Variants in RUNX2 observed in about 807,000 individuals in gnomAD.
The protein encoded by RUNX2 is RUNX family transcription factor 2.
A neutral mutation model predicts 51.7 loss-of-function variants in RUNX2; 10 were observed. The observed-to-expected ratio is 0.19, with a 90% CI of 0.12 to 0.33. RUNX2 has a LOEUF of 0.33. RUNX2 is among the 10% of genes least tolerant of loss of function. The probability of loss-of-function intolerance (pLI) is 1.00; values close to 1 mark genes in which losing one functional copy is unlikely to be tolerated. For synonymous variants in RUNX2, 276 were observed against 273.6 expected (o/e 1.01, Z -0.09); for missense variants, 562 against 691.3 (o/e 0.81, Z 2.10).
At chr6:45,423,481 A>T (rs1798292220) in intron 3 of RUNX2, among the ~76,000 whole-genome samples, 1 of 151,892 alleles carries the variant, frequency 6.6e-6, no homozygotes, top group Non-Finnish European at 1.5e-5. Flanking sequence ...CCTCACAGCC[A>T]AACGCCTCTC....
At chr6:45,464,044 T>C (rs913657291) in intron 5 of RUNX2, among the ~76,000 whole-genome samples, 4 of 151,992 alleles carry the variant, frequency 2.6e-5, no homozygotes, top group Admixed American at 2.6e-4. Flanking sequence ...ATACAAAAAA[T>C]TAGCCAGGCG....
chr6:45,457,320 A>C (rs1582132123), intron 5 of RUNX2, among the ~76,000 whole-genome samples: 1 of 152,172 alleles, frequency 6.6e-6, no homozygotes, highest in Non-Finnish European at 1.5e-5. Flanking sequence ...TTCCCAACAG[A>C]AGAAGGCTGC....
chr6:45,399,817 A>G (rs1334156779), intron 2 of RUNX2, among the ~76,000 whole-genome samples: 17 of 137,592 alleles, frequency 1.2e-4, no homozygotes, highest in South Asian at 2.4e-4. Context: ...GAGGGAGGGA[A>G]GTAAGGAAGG....
At chr6:45,442,427 G>A (rs1327914265) in intron 5 of RUNX2, among the ~76,000 whole-genome samples, 1 of 152,124 alleles carries the variant, frequency 6.6e-6, no homozygotes, top group Non-Finnish European at 1.5e-5. Context: ...GTTTCTATTA[G>A]GATCCCTTGT....
chr6:45,343,398 A>C (rs1183871715), intron 2 of RUNX2, among the ~76,000 whole-genome samples: 1 of 152,142 alleles, frequency 6.6e-6, no homozygotes, highest in Non-Finnish European at 1.5e-5. Context: ...AGTGAAGAGC[A>C]CCTGGTAGTT....
intron 3 of RUNX2, among the ~76,000 whole-genome samples, chr6:45,424,616 C>G (rs927173121): frequency 6.6e-6 from 1 of 152,126 alleles, no homozygotes; most frequent in Non-Finnish European, 1.5e-5. Context: ...CCACGGGCCA[C>G]TGACAGTTCC....
Position 45,547,616 on chromosome 6 carries a change from T to C in RUNX2, c.*311T>C, listed in dbSNP as rs1802442924. ...GTTTTTGTTGTTTGGTCTGTTATCA[T>C]CAATAACCTGTTCATATGCCAATTC... On this transcript the variant is annotated 3_prime_UTR_variant, in exon 9 of 9. Transcript: ENST00000647337. 3 of 391,852 alleles carry C rather than the reference T, an allele frequency of 7.7e-6. No homozygotes were observed. The highest frequency in any genetic ancestry group is 1.4e-5 in the Non-Finnish European group (3 of 208,316). 24.3% of individuals were successfully genotyped at this position (391,852 alleles called of 1,614,324 possible). A position where few individuals can be genotyped will look rare whatever the true frequency, so the allele number is the denominator to read the frequency against.
intron 2 of RUNX2, among the ~76,000 whole-genome samples, chr6:45,338,717 A>G (rs768448539): frequency 7.2e-5 from 11 of 152,092 alleles, no homozygotes; most frequent in Non-Finnish European, 1.3e-4. Context: ...TTTGTCATCA[A>G]TTTTTTTATA....
At chr6:45,394,079 A>G (rs145831697) in intron 2 of RUNX2, among the ~76,000 whole-genome samples, 1 of 151,440 alleles carries the variant, frequency 6.6e-6, no homozygotes, top group Non-Finnish European at 1.5e-5. Flanking sequence ...TGCCCAGCTA[A>G]TTTTTGTATT....
Position 45,545,201 on chromosome 6 carries a change from C to T in RUNX2, c.1022-16C>T, listed in dbSNP as rs1300635806. ...AGCTGGAAGGGAACTTAGAGCTCAT[C>T]CCCCTCATTTTACAGATGATGACAC... On this transcript the variant is annotated splice_polypyrimidine_tract_variant and intron_variant, in intron 7 of 8. Transcript: ENST00000647337. 1 of 1,533,924 alleles carries T rather than the reference C, an allele frequency of 6.5e-7. No individual in the cohort carries two copies. Among genetic ancestry groups the T allele is most frequent in the Admixed American group, 2.0e-5 (1 of 50,980 alleles).
At chr6:45,521,831 A>G (rs1801516795) in intron 7 of RUNX2, among the ~76,000 whole-genome samples, 1 of 152,102 alleles carries the variant, frequency 6.6e-6, no homozygotes, top group Admixed American at 6.5e-5. Flanking sequence ...GAACCAAACT[A>G]TTCCTCTCTT....
Position 45,334,034 on chromosome 6 carries a change from T to C in RUNX2, c.58+5250T>C, listed in dbSNP as rs545878567. 8.6e-5 allele frequency among the ~76,000 whole-genome samples: 13 copies of C among 151,428 alleles called. No individual in the cohort carries two copies. The East Asian group carries it at 2.5e-3, about 29-fold the overall frequency. On this transcript the variant is annotated intron_variant, in intron 2 of 8. Coordinates refer to ENST00000647337, the MANE Select transcript of RUNX2 (RefSeq NM_001024630.4). ...TGTTAGAAAATTTACCAAGTTAACA[T>C]TATTCCCAGAAATATATCTAAGATT... is the stretch of plus-strand genomic sequence containing the variant.
chr6:45,535,506 A>G (rs1802003007), intron 7 of RUNX2, among the ~76,000 whole-genome samples: 1 of 151,994 alleles, frequency 6.6e-6, no homozygotes, highest in South Asian at 2.1e-4. Flanking sequence ...GGGGAGGCTG[A>G]GGCAGAAGAA....
intron 7 of RUNX2, among the ~76,000 whole-genome samples, chr6:45,536,411 A>G (rs987029430): frequency 1.3e-5 from 2 of 152,020 alleles, no homozygotes; most frequent in Non-Finnish European, 1.5e-5. Flanking sequence ...TTTGGAGCTG[A>G]ATTATAGAGA....
At chr6:45,365,008 T>TAC (rs1290324038) in intron 2 of RUNX2, among the ~76,000 whole-genome samples, 4 of 152,230 alleles carry the variant, frequency 2.6e-5, no homozygotes, top group African/African-American at 9.6e-5. Context: ...TCAAATACAG[T>TAC]ACCACTGTAG....
intron 5 of RUNX2, among the ~76,000 whole-genome samples, chr6:45,454,362 T>C (rs1799261382): frequency 6.6e-6 from 1 of 152,182 alleles, no homozygotes; most frequent in Admixed American, 6.5e-5. Context: ...AATCTGACAC[T>C]GAAGGATGAA....
intron 2 of RUNX2, among the ~76,000 whole-genome samples, chr6:45,358,111 A>C (rs965643937): frequency 5.4e-5 from 8 of 149,242 alleles, no homozygotes; most frequent in African/African-American, 1.8e-4. Flanking sequence ...AAAAGTAATC[A>C]ATGACCGTGT....
At chr6:45,464,618 T>C (rs959261918) in intron 5 of RUNX2, among the ~76,000 whole-genome samples, 1 of 152,186 alleles carries the variant, frequency 6.6e-6, no homozygotes, top group African/African-American at 2.4e-5. Flanking sequence ...CTTAGGTCAA[T>C]GTCCGAGCAT....
chr6:45,346,626 G>C (rs1198137405), intron 2 of RUNX2, among the ~76,000 whole-genome samples: 1 of 148,888 alleles, frequency 6.7e-6, no homozygotes, highest in Non-Finnish European at 1.5e-5. Flanking sequence ...AAAGTGCAGT[G>C]GTGCGATCTC....
Sources: allele counts gnomAD v4.1 joint callset (sites outside exome capture counted in the v4.1 genomes callset), GRCh38; gene constraint gnomAD v4.1.1; transcripts MANE v1.5; gene names NCBI Gene and HGNC (gene_info 2026-07-23, HGNC 2026-07-21).